The following SLCO5A1 variants were observed in gnomAD, a reference collection of about 807,000 sequenced individuals.
The protein encoded by SLCO5A1 is organic anion transporter polypeptide-related protein 4.
A neutral mutation model predicts 65.1 loss-of-function variants in SLCO5A1; 39 were observed. That is an observed-to-expected ratio of 0.60 (90% CI 0.46 to 0.78). The LOEUF is 0.78. Ranked by LOEUF, SLCO5A1 falls within the 30% of genes least tolerant of loss-of-function variation. SLCO5A1 has a pLI of 0.00. For missense variants in SLCO5A1, 1,029 were observed against 1,069.4 expected, an observed-to-expected ratio of 0.96 and a Z score of 0.53; for synonymous variants, 438 against 415.7, an observed-to-expected ratio of 1.05 and a Z score of -0.65.
intron 9 of SLCO5A1, among the ~76,000 whole-genome samples, chr8:69,673,611 T>A (rs1259693231): frequency 2.0e-5 from 3 of 152,210 alleles, no homozygotes; most frequent in Middle Eastern, 3.2e-3. Context: ...TATACAATTG[T>A]ATTTGTCAAG....
chr8:69,811,316 C>T (rs1820197186), intron 2 of SLCO5A1, among the ~76,000 whole-genome samples: 1 of 152,210 alleles, frequency 6.6e-6, no homozygotes, highest in African/African-American at 2.4e-5. Flanking sequence ...GTCGTAATTA[C>T]CAGAAGCCCA....
intron 5 of SLCO5A1, among the ~76,000 whole-genome samples, chr8:69,710,762 G>T (rs1438250890): frequency 6.6e-6 from 1 of 152,054 alleles, no homozygotes; most frequent in Admixed American, 6.6e-5. Context: ...CTCAAAAATA[G>T]AACACGTGTC....
intron 5 of SLCO5A1, among the ~76,000 whole-genome samples, chr8:69,722,776 GGTGTGTGTGTGT>G (rs56353428): frequency 4.1e-5 from 6 of 148,132 alleles, no homozygotes; most frequent in Admixed American, 3.4e-4. Flanking sequence ...ACACATGCAT[GGTGTGTGTGTGT>G]GTGTGTGTGT....
At chr8:69,674,255 C>G (rs1813456367) in intron 9 of SLCO5A1, among the ~76,000 whole-genome samples, 1 of 152,090 alleles carries the variant, frequency 6.6e-6, no homozygotes, top group Admixed American at 6.5e-5. Flanking sequence ...GCCTTTTATT[C>G]TTTGCATCCC....
At chr8:69,811,753 T>C (rs1208847214) in intron 2 of SLCO5A1, among the ~76,000 whole-genome samples, 3 of 152,230 alleles carry the variant, frequency 2.0e-5, no homozygotes, top group Non-Finnish European at 4.4e-5. Context: ...CATTTTTTAG[T>C]GTTTAACCAT....
chr8:69,820,030 G>A lies in SLCO5A1; in HGVS notation c.907+11737C>T, dbSNP rs140366116. Among the ~76,000 whole-genome samples the A allele has an allele frequency of 1.9e-3, 292 of 152,330 alleles. 9 individuals carry two copies. The highest frequency in any genetic ancestry group is 0.017 in the Admixed American group (262 of 15,300). On this transcript the variant is annotated intron_variant, in intron 2 of 9. Coordinates refer to ENST00000260126, the MANE Select transcript of SLCO5A1 (RefSeq NM_030958.3). ...TAGGGCAACCGTGTGAACATGACTG[G>A]TGTGGTCGATATGACGGGAGTCATT...
chr8:69,680,221 A>T (rs1813708417), intron 7 of SLCO5A1, among the ~76,000 whole-genome samples: 1 of 152,172 alleles, frequency 6.6e-6, no homozygotes, highest in Admixed American at 6.5e-5. Context: ...TTTGGTGTAC[A>T]GATGATCCCA....
intron 4 of SLCO5A1, among the ~76,000 whole-genome samples, chr8:69,742,250 G>A (rs1055423858): frequency 1.3e-5 from 2 of 152,120 alleles, no homozygotes; most frequent in African/African-American, 4.8e-5. Flanking sequence ...AGTTAGCAAA[G>A]AAGTTGTTAA....
At chr8:69,780,926 G>A (rs757321974) in intron 2 of SLCO5A1, among the ~76,000 whole-genome samples, 1 of 152,022 alleles carries the variant, frequency 6.6e-6, no homozygotes, top group Non-Finnish European at 1.5e-5. Context: ...AGGCTTAAAA[G>A]CATTCTAAAT....
chr8:69,667,415 C>T lies in SLCO5A1; in HGVS notation c.*5454G>A, dbSNP rs1813215123. 6.6e-6 allele frequency: 1 copy of T among 152,160 alleles called. No individual in the cohort carries two copies. The highest frequency in any genetic ancestry group is 2.4e-5 in the African/African-American group (1 of 41,426). 9.4% of individuals were successfully genotyped at this position (152,160 alleles called of 1,614,324 possible). A position where few individuals can be genotyped will look rare whatever the true frequency, so the allele number is the denominator to read the frequency against. On this transcript the variant is annotated 3_prime_UTR_variant, in exon 10 of 10. Coordinates refer to ENST00000260126, the MANE Select transcript of SLCO5A1 (RefSeq NM_030958.3). Reference sequence around the variant, plus strand: ...TGCCTGTTTCAGGATTCTAAATTAACATTTGGGGTTTGGGGTAGAGGTATG... The same window carrying T: ...TGCCTGTTTCAGGATTCTAAATTAATATTTGGGGTTTGGGGTAGAGGTATG...
At chr8:69,695,304 G>A (rs1176463460) in intron 6 of SLCO5A1, among the ~76,000 whole-genome samples, 2 of 152,112 alleles carry the variant, frequency 1.3e-5, no homozygotes, top group African/African-American at 4.8e-5. Flanking sequence ...AGACCAGCCT[G>A]GCCAACATGG....
intron 2 of SLCO5A1, among the ~76,000 whole-genome samples, chr8:69,816,088 A>T (rs1349704262): frequency 6.6e-6 from 1 of 152,126 alleles, no homozygotes; most frequent in Admixed American, 6.6e-5. Flanking sequence ...TAGTTCCAAG[A>T]TATAAGGAAC....
chr8:69,830,761 CT>C (rs1266179882), intron 2 of SLCO5A1, among the ~76,000 whole-genome samples: 1 of 152,184 alleles, frequency 6.6e-6, no homozygotes, highest in Non-Finnish European at 1.5e-5. Flanking sequence ...TCAAGCACCC[CT>C]GTCCACTGAT....
intron 2 of SLCO5A1, among the ~76,000 whole-genome samples, chr8:69,780,023 T>C (rs766363131): frequency 4.6e-5 from 7 of 151,356 alleles, no homozygotes; most frequent in Non-Finnish European, 1.0e-4. Flanking sequence ...AGAAGGCATA[T>C]AAATGGCCTA....
intron 2 of SLCO5A1, among the ~76,000 whole-genome samples, chr8:69,816,973 T>C (rs1019942384): frequency 6.6e-6 from 1 of 152,224 alleles, no homozygotes. Flanking sequence ...CATATATCCA[T>C]TCAGACTCAA....
intron 5 of SLCO5A1, among the ~76,000 whole-genome samples, chr8:69,706,004 T>C (rs1049673293): frequency 7.9e-5 from 12 of 152,342 alleles, no homozygotes; most frequent in Admixed American, 3.9e-4. Context: ...TTTGAAGCAT[T>C]ATAATTGTAA....
chr8:69,693,015 G>A (rs899142025), intron 6 of SLCO5A1, among the ~76,000 whole-genome samples: 1 of 152,180 alleles, frequency 6.6e-6, no homozygotes, highest in Non-Finnish European at 1.5e-5. Context: ...AGCACAGTAG[G>A]TTTCTTTACA....
At chr8:69,738,251 GA>G in intron 4 of SLCO5A1, 47 bp from the exon 5 acceptor site, 1 of 1,495,696 alleles carries the variant, frequency 6.7e-7, no homozygotes, top group Non-Finnish European at 9.0e-7. Flanking sequence ...ACAATGGATG[GA>G]AAACAAAATA....
chr8:69,738,708 A>T (rs1462883567), intron 4 of SLCO5A1, among the ~76,000 whole-genome samples: 1 of 152,208 alleles, frequency 6.6e-6, no homozygotes, highest in Non-Finnish European at 1.5e-5. Flanking sequence ...ATTATGAAAC[A>T]GGAAATAGTC....
Sources: gnomAD v4.1 joint callset for allele counts (sites outside exome capture counted in the v4.1 genomes callset) on GRCh38, gnomAD v4.1.1 for gene constraint, MANE v1.5 for transcripts, NCBI Gene and HGNC (gene_info 2026-07-23, HGNC 2026-07-21) for gene names.